SUMF1: variants seen among roughly 807,000 people sequenced by gnomAD.
The protein encoded by SUMF1 is formylglycine-generating enzyme.
A neutral mutation model predicts 47.6 loss-of-function variants in SUMF1; 48 were observed. The ratio of observed to expected loss-of-function variants is 1.01; its 90% CI spans 0.80 to 1.28. The LOEUF is 1.28. Among genes scored for constraint, SUMF1 ranks in the 50% most tolerant of loss-of-function variants. SUMF1 has a pLI of 0.00. For synonymous variants in SUMF1, 230 were observed against 192.1 expected (o/e 1.20, Z -1.63); for missense variants, 571 against 485.4 (o/e 1.18, Z -1.66).
chr3:4,274,912 G>C (rs1283723039), intron 8 of SUMF1, among the ~76,000 whole-genome samples: 3 of 152,140 alleles, frequency 2.0e-5, no homozygotes, highest in Non-Finnish European at 4.4e-5. Flanking sequence ...AATGAAAGGA[G>C]GGTCAAGGAA....
At position 4,243,279 on chromosome 3, in the gene SUMF1, C is replaced by T. The variant is rs759674687; in HGVS notation, c.1014+133051G>A. Among the ~76,000 whole-genome samples, 3 of 152,084 alleles carry T rather than the reference C, an allele frequency of 2.0e-5. No homozygotes were observed. The East Asian group carries it at 5.8e-4, about 29-fold the overall frequency. ...CTACCTCCTTCAGTTTTGCTCTGAT[C>T]TTAGTTATTTCTTGCCTTCTGCTAG... On this transcript the variant is annotated intron_variant and NMD_transcript_variant, in intron 8 of 12. Coordinates refer to the SUMF1 transcript ENST00000448413.
intron 8 of SUMF1, among the ~76,000 whole-genome samples, chr3:4,290,929 C>T (rs1296510404): frequency 6.6e-6 from 1 of 152,066 alleles, no homozygotes; most frequent in Non-Finnish European, 1.5e-5. Context: ...GGAAAAAAAA[C>T]AACTGTAAAT....
intron 8 of SUMF1, among the ~76,000 whole-genome samples, chr3:4,187,920 G>A (rs1695236214): frequency 6.6e-6 from 1 of 152,144 alleles, no homozygotes; most frequent in Non-Finnish European, 1.5e-5. Context: ...ATAGCCCAAT[G>A]TTACTGTTTC....
chr3:4,370,683 GAAT>G (rs1700142673), intron 8 of SUMF1, among the ~76,000 whole-genome samples: 1 of 152,064 alleles, frequency 6.6e-6, no homozygotes, highest in Non-Finnish European at 1.5e-5. Flanking sequence ...GGTATATACA[GAAT>G]AATTCCATTC....
intron 3 of SUMF1, among the ~76,000 whole-genome samples, chr3:4,436,074 G>A (rs1702386333): frequency 6.6e-6 from 1 of 152,174 alleles, no homozygotes; most frequent in South Asian, 2.1e-4. Flanking sequence ...TTGAGGCCAG[G>A]AGTTTGAGAC....
rs550378717 is a variant in SUMF1, at chr3:4,164,339, C to T, written c.1015-95594G>A. Among the ~76,000 whole-genome samples, 276 of 152,204 alleles carry T rather than the reference C, an allele frequency of 1.8e-3. 2 individuals carry two copies. Among genetic ancestry groups the T allele is most frequent in the African/African-American group, 6.4e-3 (264 of 41,514 alleles). On this transcript the variant is annotated intron_variant and NMD_transcript_variant, in intron 8 of 12. Transcript: ENST00000448413. The stretch of plus-strand genomic sequence containing the variant: ...AATTTCCTGGCCCTCAATGGTTAAA[C>T]GTACCCGGGGCTCAGTGAGGGTGAT...
chr3:4,456,980 A>ATATATATATACGTGTGTG lies in SUMF1; in HGVS notation c.271-3949_271-3932dup, dbSNP rs1217042145. Reference sequence around the variant, plus strand: ...TGTGTGTATATATATACGTGTGTGTATATATATATACGTGTGTGTATATAT... The same window carrying ATATATATATACGTGTGTG: ...TGTGTGTATATATATACGTGTGTGTATATATATATACGTGTGTGTATATATATACGTGTGTGTATATAT... On this transcript the variant is annotated intron_variant, in intron 1 of 8. Coordinates refer to ENST00000272902, the MANE Select transcript of SUMF1 (RefSeq NM_182760.4). 1.6e-3 allele frequency among the ~76,000 whole-genome samples: 189 copies of ATATATATATACGTGTGTG among 119,300 alleles called. 2 individuals are homozygous for ATATATATATACGTGTGTG. Among genetic ancestry groups the ATATATATATACGTGTGTG allele is most frequent in the East Asian group, 5.3e-3 (19 of 3,600 alleles). The allele number at this position is 119,300 out of a possible 152,430, so 78.3% of individuals were successfully genotyped here.
In SUMF1 at chr3:4,438,626, G is replaced by A. The variant is rs943620789; in HGVS notation, c.519+10640C>T. Among the ~76,000 whole-genome samples, 22 of 152,112 alleles carry A rather than the reference G, an allele frequency of 1.4e-4. No individual in the cohort carries two copies. The South Asian group carries it at 1.9e-3, about 13-fold the overall frequency. ...AAGACATACTTCCAAACTTACATAC[G>A]CTTAGTAACATAGCTTTAATATATA... On this transcript the variant is annotated intron_variant, in intron 3 of 8. Transcript: ENST00000272902.
intron 8 of SUMF1, among the ~76,000 whole-genome samples, chr3:4,284,683 C>T (rs1697597139): frequency 6.6e-6 from 1 of 151,440 alleles, no homozygotes; most frequent in South Asian, 2.1e-4. Context: ...GTCACACTAG[C>T]GTCAACAATT....
At chr3:4,172,000 G>C (rs183837117) in intron 8 of SUMF1, among the ~76,000 whole-genome samples, 40 of 152,246 alleles carry the variant, frequency 2.6e-4, no homozygotes, top group African/African-American at 9.6e-4. Flanking sequence ...GTTTTAGAAA[G>C]ATCACATTGA....
chr3:4,136,556 C>T (rs570879763), intron 8 of SUMF1, among the ~76,000 whole-genome samples: 8 of 152,116 alleles, frequency 5.3e-5, no homozygotes, highest in Non-Finnish European at 1.2e-4. Flanking sequence ...AGGACATAGG[C>T]ATGGGCAAGG....
At position 4,327,122 on chromosome 3, in the gene SUMF1, C is replaced by G. The variant is rs554991147; in HGVS notation, c.1014+49208G>C. 4.6e-5 allele frequency among the ~76,000 whole-genome samples: 7 copies of G among 152,190 alleles called. No individual in the cohort carries two copies. In the South Asian group the frequency reaches 1.2e-3, roughly 27 times the overall value. On this transcript the variant is annotated intron_variant and NMD_transcript_variant, in intron 8 of 12. Coordinates refer to the SUMF1 transcript ENST00000448413. ...AAACTGTTAAAAGCTAAAAATAGAT[C>G]GATTTTTTTCTTGACCAAAAAAACA... is the stretch of plus-strand genomic sequence containing the variant.
Position 4,392,641 on chromosome 3 carries a change from C to A in SUMF1, c.955-16252G>T, listed in dbSNP as rs9789975. ...TATATATATATATATATATATATAT[C>A]TACCTATATATATAAAGAGAGAAAG... On this transcript the variant is annotated intron_variant, in intron 7 of 8. Coordinates refer to ENST00000272902, the MANE Select transcript of SUMF1 (RefSeq NM_182760.4). Among the ~76,000 whole-genome samples, 169 of 122,638 alleles carry A rather than the reference C, an allele frequency of 1.4e-3. 2 individuals are homozygous for A. The highest frequency in any genetic ancestry group is 7.7e-3 in the Admixed American group (90 of 11,662). The allele number at this position is 122,638 out of a possible 152,430, so 80.5% of individuals were successfully genotyped here.
At chr3:4,091,913 G>C (rs1337925486) in intron 8 of SUMF1, among the ~76,000 whole-genome samples, 2 of 151,432 alleles carry the variant, frequency 1.3e-5, no homozygotes, top group Non-Finnish European at 2.9e-5. Flanking sequence ...CATCTTCCAG[G>C]GACCATTAAG....
chr3:4,465,967 G>A (rs942034396), intron 1 of SUMF1, among the ~76,000 whole-genome samples: 4 of 152,150 alleles, frequency 2.6e-5, no homozygotes, highest in Admixed American at 2.6e-4. Context: ...AAATGGAATG[G>A]GAAAAGGATA....
chr3:4,038,037 G>C (rs1694832875), intron 9 of SUMF1, among the ~76,000 whole-genome samples: 1 of 152,150 alleles, frequency 6.6e-6, no homozygotes, highest in South Asian at 2.1e-4. Context: ...TCAATGATCT[G>C]AAAGTGTGAG....
rs560448385 is a variant in SUMF1, at chr3:4,267,002, G to A, written c.1014+109328C>T. Reference sequence around the variant, plus strand: ...GATAATCATGTGGTTTTTGTCTTTGGTTCTGTTTATATGCTGGATTACATT... The same window carrying A: ...GATAATCATGTGGTTTTTGTCTTTGATTCTGTTTATATGCTGGATTACATT... On this transcript the variant is annotated intron_variant and NMD_transcript_variant, in intron 8 of 12. Coordinates refer to the SUMF1 transcript ENST00000448413. Among the ~76,000 whole-genome samples the A allele has an allele frequency of 1.8e-4, 28 of 152,128 alleles. No individual in the cohort carries two copies. The East Asian group carries it at 3.5e-3, about 19-fold the overall frequency.
At chr3:4,060,292 G>T (rs1048680100) in intron 9 of SUMF1, among the ~76,000 whole-genome samples, 2 of 152,162 alleles carry the variant, frequency 1.3e-5, no homozygotes, top group African/African-American at 4.8e-5. Context: ...TCCATGTCTG[G>T]CCTGCCAGGG....
rs186704318 is a variant in SUMF1, at chr3:4,042,885, C to T, written c.1191+25684G>A. On this transcript the variant is annotated intron_variant and NMD_transcript_variant, in intron 9 of 12. Transcript: ENST00000448413. ...CAGCAAGTTGGCTCCCAAGGCAAGT[C>T]CAGTGCCCTTGCATCCCATCACCTC... is the stretch of plus-strand genomic sequence containing the variant. 5.1e-4 allele frequency among the ~76,000 whole-genome samples: 77 copies of T among 152,212 alleles called. 1 individual carries two copies. The highest frequency in any genetic ancestry group is 9.1e-4 in the Non-Finnish European group (62 of 68,010).
Sources: gnomAD v4.1 joint callset for allele counts (sites outside exome capture counted in the v4.1 genomes callset) on GRCh38, gnomAD v4.1.1 for gene constraint, MANE v1.5 for transcripts, NCBI Gene and HGNC (gene_info 2026-07-23, HGNC 2026-07-21) for gene names.